Variants in HOXB3 observed in about 807,000 individuals in gnomAD.
The protein encoded by HOXB3 is homeobox protein Hox-B3.
Under a neutral mutation model 29.2 loss-of-function variants are expected in HOXB3, and 17 were observed. The observed-to-expected ratio is 0.58, with a 90% CI of 0.40 to 0.87. The LOEUF (loss-of-function observed/expected upper bound fraction) is 0.87. HOXB3 is among the 40% of genes least tolerant of loss of function. HOXB3 has a pLI of 0.00. For synonymous variants in HOXB3, 317 were observed against 285.9 expected (o/e 1.11, Z -1.10); for missense variants, 637 against 616.3 (o/e 1.03, Z -0.35).
intron 2 of HOXB3, among the ~76,000 whole-genome samples, chr17:48,572,448 G>T (rs887616323): frequency 6.6e-6 from 1 of 152,126 alleles, no homozygotes; most frequent in African/African-American, 2.4e-5. Context: ...TTCTCTCCTC[G>T]CAGCCCAGGA....
intron 2 of HOXB3, 119 bp from the exon 3 acceptor site, chr17:48,555,737 C>CCG: frequency 1.6e-6 from 1 of 644,740 alleles, no homozygotes; most frequent in Non-Finnish European, 2.8e-6. Flanking sequence ...GCCAGAGGAG[C>CCG]CGCGCGGCGT....
At chr17:48,563,956 G>A (rs1266582228) in intron 2 of HOXB3, among the ~76,000 whole-genome samples, 1 of 151,898 alleles carries the variant, frequency 6.6e-6, no homozygotes, top group South Asian at 2.1e-4. Flanking sequence ...CTGAGCGGGA[G>A]GGCTCTCCCA....
chr17:48,581,844 C>T (rs1439664487), intron 1 of HOXB3: 3 of 152,292 alleles, frequency 2.0e-5, no homozygotes, highest in African/African-American at 7.2e-5. Flanking sequence ...GGCGCCGCAC[C>T]CCCCTCACCC....
At chr17:48,581,504 G>C (rs2069936051) in intron 1 of HOXB3, 1 of 152,162 alleles carries the variant, frequency 6.6e-6, no homozygotes, top group Non-Finnish European at 1.5e-5. Context: ...TCCAAATCTT[G>C]TCATAGGCCA....
intron 2 of HOXB3, among the ~76,000 whole-genome samples, chr17:48,567,032 T>C (rs548394918): frequency 6.6e-6 from 1 of 152,338 alleles, no homozygotes; most frequent in East Asian, 1.9e-4. Flanking sequence ...AAGCTGCCCC[T>C]GTATCCAGAC....
At chr17:48,585,705 G>C (rs2070034240) in intron 1 of HOXB3, among the ~76,000 whole-genome samples, 1 of 152,164 alleles carries the variant, frequency 6.6e-6, no homozygotes, top group Admixed American at 6.5e-5. Context: ...GATCCCTTGG[G>C]ATTCAGAAAA....
chr17:48,550,183 G>T lies in HOXB3; in HGVS notation c.*151C>A. 1.0e-6 allele frequency: 1 copy of T among 996,828 alleles called. No homozygotes were observed. The allele number at this position is 996,828 out of a possible 1,614,324, so 61.7% of individuals were successfully genotyped here. ...GACTTAAAAGCAACCTCTCAGGCCA[G>T]GGGGAAGGGAAGGAGCTCCAGGCCG... On this transcript the variant is annotated 3_prime_UTR_variant, in exon 5 of 5. Coordinates refer to ENST00000498678, the MANE Select transcript of HOXB3 (RefSeq NM_001384749.1).
chr17:48,586,926 T>C (rs1387457928), intron 1 of HOXB3, among the ~76,000 whole-genome samples: 1 of 152,174 alleles, frequency 6.6e-6, no homozygotes, highest in Non-Finnish European at 1.5e-5. Context: ...CACTAACCTC[T>C]GCTGGAGACA....
intron 1 of HOXB3, among the ~76,000 whole-genome samples, chr17:48,584,517 ATGT>A (rs1241643986): frequency 6.6e-6 from 1 of 152,218 alleles, no homozygotes; most frequent in Non-Finnish European, 1.5e-5. Context: ...GAGTGAGTTG[ATGT>A]TGGTGAAAAT....
Position 48,555,554 on chromosome 17 carries a change from C to T in HOXB3, c.-182G>A, listed in dbSNP as rs2068950803. 1 of 702,670 alleles carries T rather than the reference C, an allele frequency of 1.4e-6. No homozygotes were observed. The allele number at this position is 702,670 out of a possible 1,614,324, so 43.5% of individuals were successfully genotyped here. The stretch of plus-strand genomic sequence containing the variant: ...ACCTTAGCCACCGACGAGGGGAGAA[C>T]AGGCAGACATAATATATATTCACAT... On this transcript the variant is annotated 5_prime_UTR_variant, in exon 3 of 5. Coordinates refer to ENST00000498678, the MANE Select transcript of HOXB3 (RefSeq NM_001384749.1).
At chr17:48,579,942 C>G in intron 1 of HOXB3, 1 of 516,408 alleles carries the variant, frequency 1.9e-6, no homozygotes, top group Non-Finnish European at 3.9e-6. Context: ...AGAAGACAGA[C>G]AGATCTTCTT....
chr17:48,568,814 C>G (rs2069479533), intron 2 of HOXB3, among the ~76,000 whole-genome samples: 1 of 152,124 alleles, frequency 6.6e-6, no homozygotes, highest in Admixed American at 6.5e-5. Flanking sequence ...TATGCAATGC[C>G]TCAATGGGCA....
At position 48,552,160 on chromosome 17, in the gene HOXB3, A is replaced by C; in HGVS notation, c.315T>G (p.Asn105Lys). 6.2e-7 allele frequency: 1 copy of C among 1,613,854 alleles called. No individual in the cohort carries two copies. The highest frequency in any genetic ancestry group is 2.2e-5 in the East Asian group (1 of 44,832). Reference sequence around the variant, plus strand: ...GACCACTTTTGCTGGGCCCGCCCCCATTACTGCTGTTGCTAGTGGCACTGG... The same window carrying C: ...GACCACTTTTGCTGGGCCCGCCCCCCTTACTGCTGTTGCTAGTGGCACTGG... ...APTSATSNSSNGGGPSKSGPP... is the reference protein window; with the variant it reads ...APTSATSNSSKGGGPSKSGPP... The change falls in exon 4 of 5, where the codon AAT becomes AAG. Residue 105 changes from asparagine (N) to lysine (K), a missense_variant. Coordinates refer to ENST00000498678, the MANE Select transcript of HOXB3 (RefSeq NM_001384749.1).
At position 48,551,047 on chromosome 17, in the gene HOXB3, A is replaced by G. The variant is rs1436032759; in HGVS notation, c.583T>C (p.Tyr195His). 2 of 1,604,932 alleles carry G rather than the reference A, an allele frequency of 1.2e-6. No individual in the cohort carries two copies. The highest frequency in any genetic ancestry group is 1.7e-6 in the Non-Finnish European group (2 of 1,174,402). Residue 195 changes from tyrosine to histidine, a missense_variant, in exon 5 of 5, where the codon TAC (tyrosine) becomes CAC (histidine). Tyr to His is a moderately conservative substitution (Grantham distance 83). Coordinates refer to ENST00000498678, the MANE Select transcript of HOXB3 (RefSeq NM_001384749.1). ...AGCTCCACCAGCTGCGCGCTCGTGT[A>G]CGCCGTCCGCGCCCGCTTGGACGCC... ...SAASKRARTA[Y>H]TSAQLVELEK...
At chr17:48,575,126 G>T (rs778680552) in intron 1 of HOXB3, 1 of 152,222 alleles carries the variant, frequency 6.6e-6, no homozygotes, top group Non-Finnish European at 1.5e-5. Context: ...TGTCTAAAAG[G>T]AGACAGCTTA....
chr17:48,550,702 G>T lies in HOXB3; in HGVS notation c.928C>A (p.Pro310Thr), dbSNP rs1215539691. ...NAYALPSNYQPPLKGCGAPQK... is the reference protein window; with the variant it reads ...NAYALPSNYQTPLKGCGAPQK... ...GGGGCGCCGCAGCCTTTGAGAGGGG[G>T]CTGGTAGTTGGAGGGCAGCGCGTAG... The change falls in exon 5 of 5, where the codon CCC becomes ACC. Residue 310 changes from proline to threonine, a missense_variant. Transcript: ENST00000498678. 7 of 1,544,398 alleles carry T rather than the reference G, an allele frequency of 4.5e-6. No homozygotes were observed. Among genetic ancestry groups the T allele is most frequent in the Non-Finnish European group, 5.2e-6 (6 of 1,144,610 alleles).
At chr17:48,561,599 G>A (rs546890173) in intron 2 of HOXB3, among the ~76,000 whole-genome samples, 1 of 152,358 alleles carries the variant, frequency 6.6e-6, no homozygotes, top group East Asian at 1.9e-4. Context: ...GTCCTGCTGA[G>A]GATGGGTACA....
chr17:48,573,504 C>T (rs200841197), intron 2 of HOXB3, among the ~76,000 whole-genome samples: 3 of 152,128 alleles, frequency 2.0e-5, no homozygotes, highest in East Asian at 3.9e-4. Flanking sequence ...TGCTGGGGCT[C>T]GCTGTGCCTG....
intron 1 of HOXB3, 114 bp from the exon 2 acceptor site, chr17:48,574,128 G>T (rs978620654): frequency 1.7e-5 from 8 of 470,834 alleles, no homozygotes; most frequent in African/African-American, 1.6e-4. Context: ...GAATGGCTGT[G>T]AACTTTAAGC....
Sources: allele counts gnomAD v4.1 joint callset (sites outside exome capture counted in the v4.1 genomes callset), GRCh38; gene constraint gnomAD v4.1.1; transcripts MANE v1.5; gene names NCBI Gene and HGNC (gene_info 2026-07-23, HGNC 2026-07-21).